Variants in CNTNAP2 observed in about 807,000 individuals in gnomAD.
The protein encoded by CNTNAP2 is contactin-associated protein-like 2.
CNTNAP2 carries 98 observed loss-of-function variants against 155.2 expected under a neutral mutation model. That is an observed-to-expected ratio of 0.63 (90% CI 0.54 to 0.75). The LOEUF (loss-of-function observed/expected upper bound fraction) is 0.75, where lower values mean the gene tolerates loss of function less well. Among genes scored for constraint, CNTNAP2 ranks in the 30% least tolerant of loss-of-function variants. The pLI, the probability that CNTNAP2 is intolerant of heterozygous loss-of-function variation, is 0.00. For synonymous variants in CNTNAP2, 651 were observed against 631.2 expected, an observed-to-expected ratio of 1.03 and a Z score of -0.47; for missense variants, 1,727 against 1,688.1, an observed-to-expected ratio of 1.02 and a Z score of -0.40.
intron 1 of CNTNAP2, among the ~76,000 whole-genome samples, chr7:146,760,233 C>T (rs1385152356): frequency 6.6e-6 from 1 of 151,972 alleles, no homozygotes; most frequent in Non-Finnish European, 1.5e-5. Flanking sequence ...TGACTACACA[C>T]ACTATTCAGT....
chr7:147,030,338 C>T (rs576751446), intron 3 of CNTNAP2, among the ~76,000 whole-genome samples: 1 of 152,214 alleles, frequency 6.6e-6, no homozygotes, highest in Admixed American at 6.5e-5. Flanking sequence ...GGCTCAGTAC[C>T]TTGAGTATTA....
At chr7:147,716,432 A>T (rs1389049103) in intron 13 of CNTNAP2, among the ~76,000 whole-genome samples, 2 of 152,112 alleles carry the variant, frequency 1.3e-5, no homozygotes, top group African/African-American at 2.4e-5. Context: ...GGCACAAAAA[A>T]ACTGGTTAGG....
chr7:148,063,024 C>A (rs1803185680), intron 15 of CNTNAP2, among the ~76,000 whole-genome samples: 1 of 152,104 alleles, frequency 6.6e-6, no homozygotes, highest in Non-Finnish European at 1.5e-5. Context: ...CTGGCCAAAG[C>A]ATTTGAAAAT....
intron 18 of CNTNAP2, among the ~76,000 whole-genome samples, chr7:148,180,475 A>G (rs892565262): frequency 1.3e-5 from 2 of 152,080 alleles, no homozygotes; most frequent in African/African-American, 4.8e-5. Flanking sequence ...GAGCAGGTCT[A>G]TGCAAGCCTA....
chr7:147,144,223 T>G (rs866539080), intron 8 of CNTNAP2, among the ~76,000 whole-genome samples: 1 of 152,182 alleles, frequency 6.6e-6, no homozygotes, highest in Non-Finnish European at 1.5e-5. Flanking sequence ...CTCCAAGCAA[T>G]AAGATTACTG....
chr7:147,621,943 T>A (rs28791021), intron 12 of CNTNAP2, among the ~76,000 whole-genome samples: 1 of 151,818 alleles, frequency 6.6e-6, no homozygotes, highest in Non-Finnish European at 1.5e-5. Flanking sequence ...GAAAAAGATA[T>A]ATTCCATGCA....
At chr7:148,061,425 C>A (rs959442267) in intron 15 of CNTNAP2, among the ~76,000 whole-genome samples, 1 of 152,032 alleles carries the variant, frequency 6.6e-6, no homozygotes, top group Non-Finnish European at 1.5e-5. Context: ...ATGATCTTGG[C>A]TCAGTGCAAC....
In CNTNAP2 at chr7:147,407,467, CAAAAAAAAAAAA is replaced by C. The variant is rs768738493; in HGVS notation, c.1670+11713_1670+11724del. Among the ~76,000 whole-genome samples the C allele has an allele frequency of 7.4e-4, 48 of 64,900 alleles. 1 individual carries two copies. The highest frequency in any genetic ancestry group is 1.9e-3 in the African/African-American group (35 of 18,624). The allele number at this position is 64,900 out of a possible 152,430, so 42.6% of individuals were successfully genotyped here. On this transcript the variant is annotated intron_variant, in intron 10 of 23. Transcript: ENST00000361727. ...TGGGCAACAGAGCGAGACTCCCTCTCAAAAAAAAAAAAAAAAAAAAAAAAAAAAAAAAAAAAA... is the reference window on the plus strand; with the variant it reads ...TGGGCAACAGAGCGAGACTCCCTCTCAAAAAAAAAAAAAAAAAAAAAAAAA...
rs1446093449 is a variant in CNTNAP2, at chr7:146,663,287, A to G, written c.98-110984A>G. Among the ~76,000 whole-genome samples, 48 of 128,758 alleles carry G rather than the reference A, an allele frequency of 3.7e-4. 1 individual carries two copies. The highest frequency in any genetic ancestry group is 1.4e-3 in the South Asian group (4 of 2,944). The allele number at this position is 128,758 out of a possible 152,430, so 84.5% of individuals were successfully genotyped here. On this transcript the variant is annotated intron_variant, in intron 1 of 23. Coordinates refer to ENST00000361727, the MANE Select transcript of CNTNAP2 (RefSeq NM_014141.6). Reference sequence around the variant, plus strand: ...AGTGAAACTCCATCTCAAAAAAAAAAAAAAAAAAAAAGAAAGAAAGAAAAA... The same window carrying G: ...AGTGAAACTCCATCTCAAAAAAAAAGAAAAAAAAAAAGAAAGAAAGAAAAA...
At position 146,300,562 on chromosome 7, in the gene CNTNAP2, T is replaced by C. The variant is rs535331500; in HGVS notation, c.97+183589T>C. ...TAAAAATGTTATATTTTCCATATTA[T>C]AAATGGTTTGGCTGATAGATACTTA... On this transcript the variant is annotated intron_variant, in intron 1 of 23. Transcript: ENST00000361727. Among the ~76,000 whole-genome samples the C allele has an allele frequency of 2.6e-5, 4 of 152,276 alleles. No homozygotes were observed. In the East Asian group the frequency reaches 5.8e-4, roughly 22 times the overall value.
At chr7:148,347,545 T>A (rs367661533) in intron 21 of CNTNAP2, among the ~76,000 whole-genome samples, 21 of 152,306 alleles carry the variant, frequency 1.4e-4, no homozygotes, top group African/African-American at 4.8e-4. Flanking sequence ...TATTTGATTG[T>A]TTGGCTGTCA....
rs542234343 is a variant in CNTNAP2, at chr7:147,192,999, A to G, written c.1348+60490A>G. On this transcript the variant is annotated intron_variant, in intron 8 of 23. Transcript: ENST00000361727. ...CCAATTATATCACTAGATATCTTGG[A>G]AAAAAACGCCTTGCAAAGTAGTGAT... is the stretch of plus-strand genomic sequence containing the variant. Among the ~76,000 whole-genome samples, 6 of 152,248 alleles carry G rather than the reference A, an allele frequency of 3.9e-5. No individual in the cohort carries two copies. In the South Asian group the frequency reaches 8.3e-4, roughly 21 times the overall value.
chr7:147,740,579 A>G (rs1161373810), intron 13 of CNTNAP2, among the ~76,000 whole-genome samples: 1 of 152,230 alleles, frequency 6.6e-6, no homozygotes, highest in African/African-American at 2.4e-5. Context: ...AGGTTCAGTT[A>G]GTCCAAGGTA....
intron 1 of CNTNAP2, among the ~76,000 whole-genome samples, chr7:146,335,839 G>A (rs572770830): frequency 1.6e-4 from 25 of 152,104 alleles, no homozygotes; most frequent in African/African-American, 5.5e-4. Flanking sequence ...TTTAGGGGTC[G>A]GGGAAGAGGG....
intron 12 of CNTNAP2, among the ~76,000 whole-genome samples, chr7:147,629,406 AAAT>A (rs56977512): frequency 0.25 from 35,351 of 140,632 alleles, 4,618 homozygotes; most frequent in East Asian, 0.34. Context: ...TCTGTCTCAA[AAAT>A]AATAATAATA....
At chr7:146,858,510 A>G (rs1795036648) in intron 3 of CNTNAP2, among the ~76,000 whole-genome samples, 1 of 152,198 alleles carries the variant, frequency 6.6e-6, no homozygotes, top group Non-Finnish European at 1.5e-5. Flanking sequence ...TCTAGGCAAC[A>G]TGGCAAAACC....
intron 1 of CNTNAP2, among the ~76,000 whole-genome samples, chr7:146,619,705 C>T (rs905615462): frequency 3.1e-4 from 47 of 152,148 alleles, no homozygotes; most frequent in African/African-American, 1.1e-3. Context: ...GGAGAGATCA[C>T]ATCATTCACG....
intron 3 of CNTNAP2, among the ~76,000 whole-genome samples, chr7:146,928,088 G>A (rs1796646610): frequency 6.6e-6 from 1 of 151,634 alleles, no homozygotes; most frequent in Non-Finnish European, 1.5e-5. Flanking sequence ...GCTACTCCTG[G>A]TATTTCTCTT....
chr7:146,897,506 G>T (rs886132574), intron 3 of CNTNAP2, among the ~76,000 whole-genome samples: 16 of 152,042 alleles, frequency 1.1e-4, no homozygotes, highest in Non-Finnish European at 1.9e-4. Flanking sequence ...CGAGACCTAC[G>T]TTGTAGAATC....
Sources: allele counts gnomAD v4.1 joint callset (sites outside exome capture counted in the v4.1 genomes callset), GRCh38; gene constraint gnomAD v4.1.1; transcripts MANE v1.5; gene names NCBI Gene and HGNC (gene_info 2026-07-23, HGNC 2026-07-21).